Variants in CPA6 observed in about 807,000 individuals in gnomAD.
CPA6 encodes carboxypeptidase A6.
Under a neutral mutation model 63.3 loss-of-function variants are expected in CPA6, and 58 were observed. The observed-to-expected ratio is 0.92, with a 90% CI of 0.74 to 1.14. The LOEUF is 1.14. Ranked by LOEUF, CPA6 falls within the 50% of genes most tolerant of loss-of-function variation. CPA6 has a pLI of 0.00. For synonymous variants in CPA6, 185 were observed against 179.0 expected (o/e 1.03, Z -0.27); for missense variants, 565 against 526.6 (o/e 1.07, Z -0.71).
chr8:67,610,819 A>G (rs1026398439), intron 2 of CPA6, among the ~76,000 whole-genome samples: 2 of 152,190 alleles, frequency 1.3e-5, no homozygotes, highest in African/African-American at 4.8e-5. Context: ...TTGCTAAGTC[A>G]TGTTAGAAAG....
intron 1 of CPA6, among the ~76,000 whole-genome samples, chr8:67,684,537 C>T (rs1430686556): frequency 6.6e-6 from 1 of 152,132 alleles, no homozygotes; most frequent in Non-Finnish European, 1.5e-5. Flanking sequence ...TCACCACAGG[C>T]TGAGGAATGA....
At chr8:67,556,340 T>A (rs1587556583) in intron 2 of CPA6, among the ~76,000 whole-genome samples, 2 of 152,208 alleles carry the variant, frequency 1.3e-5, no homozygotes, top group South Asian at 4.1e-4. Flanking sequence ...TAGAACTGCT[T>A]GTCTCACTGC....
chr8:67,679,986 A>G (rs1346177037), intron 1 of CPA6, among the ~76,000 whole-genome samples: 1 of 152,198 alleles, frequency 6.6e-6, no homozygotes, highest in Non-Finnish European at 1.5e-5. Flanking sequence ...TGAGGCACAC[A>G]TGAAAAACTG....
At chr8:67,662,509 T>TATAG (rs1444930508) in intron 1 of CPA6, among the ~76,000 whole-genome samples, 14 of 101,082 alleles carry the variant, frequency 1.4e-4, no homozygotes, top group South Asian at 6.2e-4. Context: ...TATATGTATA[T>TATAG]AATACATACA....
At chr8:67,457,165 A>C (rs1324299756) in intron 8 of CPA6, among the ~76,000 whole-genome samples, 4 of 152,210 alleles carry the variant, frequency 2.6e-5, no homozygotes, top group Non-Finnish European at 5.9e-5. Context: ...TTTCACAAGC[A>C]CCGTTTATTT....
chr8:67,718,612 G>A (rs1587725932), intron 1 of CPA6, among the ~76,000 whole-genome samples: 1 of 151,016 alleles, frequency 6.6e-6, no homozygotes, highest in East Asian at 1.9e-4. Context: ...TTTCCCAATT[G>A]TAGGAGATAT....
intron 2 of CPA6, among the ~76,000 whole-genome samples, chr8:67,522,043 G>A (rs76779153): frequency 8.1e-4 from 124 of 152,236 alleles, no homozygotes; most frequent in African/African-American, 2.7e-3. Context: ...ACAGGTACCC[G>A]GTGAAACCCG....
chr8:67,714,325 A>C (rs1817334183), intron 1 of CPA6, among the ~76,000 whole-genome samples: 1 of 152,202 alleles, frequency 6.6e-6, no homozygotes, highest in Non-Finnish European at 1.5e-5. Flanking sequence ...AGAAATGAGA[A>C]GGGTGGTGAT....
intron 1 of CPA6, among the ~76,000 whole-genome samples, chr8:67,705,410 G>A (rs1445211162): frequency 2.0e-5 from 3 of 152,184 alleles, no homozygotes; most frequent in African/African-American, 4.8e-5. Context: ...TGCCTACTCT[G>A]TGCTAATCTT....
intron 1 of CPA6, among the ~76,000 whole-genome samples, chr8:67,721,118 TA>T (rs1271741247): frequency 6.6e-6 from 1 of 152,228 alleles, no homozygotes; most frequent in African/African-American, 2.4e-5. Context: ...AAGTCTAACA[TA>T]TGGAGTTAAT....
chr8:67,692,852 T>C (rs569701385), intron 1 of CPA6, among the ~76,000 whole-genome samples: 7 of 152,228 alleles, frequency 4.6e-5, no homozygotes, highest in Non-Finnish European at 1.0e-4. Context: ...AGGTAGCTCA[T>C]GTGTAAACAT....
At chr8:67,552,772 C>G (rs1266309151) in intron 2 of CPA6, among the ~76,000 whole-genome samples, 1 of 19,226 alleles carries the variant, frequency 5.2e-5, no homozygotes, top group Non-Finnish European at 1.4e-4. Context: ...GCAAGACTGT[C>G]TCAAAAAAAA....
chr8:67,536,614 T>C (rs1044642231), intron 2 of CPA6, among the ~76,000 whole-genome samples: 3 of 152,222 alleles, frequency 2.0e-5, no homozygotes, highest in Non-Finnish European at 2.9e-5. Flanking sequence ...GATGGGATTT[T>C]CTAAATATGC....
intron 9 of CPA6, among the ~76,000 whole-genome samples, chr8:67,431,012 C>T (rs1054067592): frequency 6.6e-6 from 1 of 152,076 alleles, no homozygotes; most frequent in African/African-American, 2.4e-5. Context: ...CAGGTATGCA[C>T]CACTATGCCT....
chr8:67,707,409 T>A (rs1038146840), intron 1 of CPA6, among the ~76,000 whole-genome samples: 12 of 152,232 alleles, frequency 7.9e-5, no homozygotes, highest in African/African-American at 1.9e-4. Flanking sequence ...AACAATTAAG[T>A]ATACTCCTAT....
intron 1 of CPA6, among the ~76,000 whole-genome samples, chr8:67,733,214 A>T (rs868857683): frequency 6.2e-4 from 81 of 131,334 alleles, no homozygotes; most frequent in East Asian, 1.7e-3. Context: ...AAAAAAAAAA[A>T]AAAAAAAAAA....
chr8:67,473,059 G>A (rs944605069), intron 8 of CPA6, among the ~76,000 whole-genome samples: 1 of 152,150 alleles, frequency 6.6e-6, no homozygotes, highest in Non-Finnish European at 1.5e-5. Flanking sequence ...GTCTAGATTA[G>A]GAAAAGAACA....
intron 8 of CPA6, among the ~76,000 whole-genome samples, chr8:67,445,513 A>G (rs976046479): frequency 6.6e-6 from 1 of 152,184 alleles, no homozygotes; most frequent in Non-Finnish European, 1.5e-5. Context: ...ATATTATATA[A>G]AACATACCAA....
intron 1 of CPA6, among the ~76,000 whole-genome samples, chr8:67,683,459 C>A (rs538591384): frequency 6.6e-6 from 1 of 152,244 alleles, no homozygotes; most frequent in African/African-American, 2.4e-5. Context: ...CACAGCTTGG[C>A]TTTCTTCAAA....
Sources: allele counts gnomAD v4.1 joint callset (sites outside exome capture counted in the v4.1 genomes callset), GRCh38; gene constraint gnomAD v4.1.1; transcripts MANE v1.5; gene names NCBI Gene and HGNC (gene_info 2026-07-23, HGNC 2026-07-21).